The following ZFPM2 variants were observed in gnomAD, a reference collection of about 807,000 sequenced individuals.
ZFPM2 encodes the protein zinc finger protein ZFPM2.
A neutral mutation model predicts 98.6 loss-of-function variants in ZFPM2; 20 were observed. The ratio of observed to expected loss-of-function variants is 0.20; its 90% CI spans 0.14 to 0.29. The LOEUF is 0.29. Ranked by LOEUF, ZFPM2 falls within the 10% of genes least tolerant of loss-of-function variation. ZFPM2 has a pLI of 1.00. For synonymous variants in ZFPM2, 518 were observed against 502.7 expected (o/e 1.03, Z -0.41); for missense variants, 1,310 against 1,388.6 (o/e 0.94, Z 0.90).
intron 2 of ZFPM2, among the ~76,000 whole-genome samples, chr8:105,427,723 T>C (rs1166155990): frequency 2.6e-5 from 4 of 152,228 alleles, no homozygotes; most frequent in African/African-American, 4.8e-5. Context: ...AGCCACTTTT[T>C]GTTGTCCTTA....
intron 3 of ZFPM2, among the ~76,000 whole-genome samples, chr8:105,473,695 T>C (rs149434301): frequency 1.8e-4 from 27 of 152,318 alleles, no homozygotes; most frequent in Non-Finnish European, 2.9e-4. Flanking sequence ...ATTAAAGAAA[T>C]GCATTTCTCT....
At chr8:105,355,790 TAC>T (rs1307541319) in intron 1 of ZFPM2, among the ~76,000 whole-genome samples, 3 of 152,332 alleles carry the variant, frequency 2.0e-5, no homozygotes, top group African/African-American at 7.2e-5. Context: ...TAAAAAAAAC[TAC>T]AGTGTGTGTT....
At chr8:105,639,738 A>G (rs1816915765) in intron 5 of ZFPM2, among the ~76,000 whole-genome samples, 1 of 151,998 alleles carries the variant, frequency 6.6e-6, no homozygotes, top group Non-Finnish European at 1.5e-5. Flanking sequence ...ACTGAGAGAA[A>G]ATGAAGCCAG....
intron 5 of ZFPM2, among the ~76,000 whole-genome samples, chr8:105,777,364 T>G (rs1245781441): frequency 6.6e-6 from 1 of 152,218 alleles, no homozygotes; most frequent in African/African-American, 2.4e-5. Context: ...AATAGTGTAT[T>G]TGGCAAATAG....
At chr8:105,410,850 T>A (rs762281761) in intron 1 of ZFPM2, among the ~76,000 whole-genome samples, 1 of 151,938 alleles carries the variant, frequency 6.6e-6, no homozygotes. Flanking sequence ...TAAGTGCTTT[T>A]AAAAAAATCT....
At chr8:105,420,037 T>C (rs1563650432) in intron 2 of ZFPM2, among the ~76,000 whole-genome samples, 1 of 152,166 alleles carries the variant, frequency 6.6e-6, no homozygotes, top group African/African-American at 2.4e-5. Flanking sequence ...AAGTCTTTTA[T>C]CTCCTCCTGC....
In ZFPM2 at chr8:105,676,228, T is replaced by A. The variant is rs527864266; in HGVS notation, c.532+41871T>A. ...CATAACATTGGAATCATAGTTCATC[T>A]ACTCACCAACACATTTATATTTTAG... On this transcript the variant is annotated intron_variant, in intron 5 of 7. Coordinates refer to ENST00000407775, the MANE Select transcript of ZFPM2 (RefSeq NM_012082.4). 3.2e-4 allele frequency among the ~76,000 whole-genome samples: 49 copies of A among 152,290 alleles called. 1 individual carries two copies. Among genetic ancestry groups the A allele is most frequent in the Non-Finnish European group, 4.4e-5 (3 of 68,008 alleles).
chr8:105,446,531 G>A (rs1280180391), intron 3 of ZFPM2, among the ~76,000 whole-genome samples: 4 of 152,126 alleles, frequency 2.6e-5, no homozygotes, highest in African/African-American at 9.7e-5. Context: ...GCTAATAAAA[G>A]AGGGGGAGAG....
chr8:105,518,560 C>G (rs995526983), intron 3 of ZFPM2, among the ~76,000 whole-genome samples: 1 of 152,122 alleles, frequency 6.6e-6, no homozygotes, highest in Non-Finnish European at 1.5e-5. Flanking sequence ...TGAAATCATG[C>G]AGATTCCTTT....
rs5893754 is a variant in ZFPM2 at position 105,673,187 on chromosome 8, C to CTTTTTTTT, written c.532+38843_532+38850dup. 5.1e-4 allele frequency among the ~76,000 whole-genome samples: 45 copies of CTTTTTTTT among 87,522 alleles called. 3 individuals carry two copies. Among genetic ancestry groups the CTTTTTTTT allele is most frequent in the African/African-American group, 2.1e-3 (42 of 20,464 alleles). The allele number at this position is 87,522 out of a possible 152,430, so 57.4% of individuals were successfully genotyped here. On this transcript the variant is annotated intron_variant, in intron 5 of 7. Transcript: ENST00000407775. ...TACTTCTATTTTTTCAAATAGCATG[C>CTTTTTTTT]TTTTTTTTTTTTTTTTTTTTACCGA...
intron 5 of ZFPM2, among the ~76,000 whole-genome samples, chr8:105,753,419 C>G (rs1439717159): frequency 6.6e-6 from 1 of 152,112 alleles, no homozygotes; most frequent in Non-Finnish European, 1.5e-5. Context: ...ATAATTGAAG[C>G]TGTTCTTGGG....
At chr8:105,612,765 A>G (rs1037231061) in intron 4 of ZFPM2, among the ~76,000 whole-genome samples, 4 of 152,198 alleles carry the variant, frequency 2.6e-5, no homozygotes, top group African/African-American at 7.2e-5. Context: ...GGGTCACTAC[A>G]TATTTTAATT....
At chr8:105,760,282 A>G (rs532455895) in intron 5 of ZFPM2, among the ~76,000 whole-genome samples, 71 of 152,132 alleles carry the variant, frequency 4.7e-4, no homozygotes, top group South Asian at 3.5e-3. Flanking sequence ...AGGGGGTTGT[A>G]TCTTTTAGAG....
At chr8:105,773,366 A>G (rs1686715687) in intron 5 of ZFPM2, among the ~76,000 whole-genome samples, 1 of 152,180 alleles carries the variant, frequency 6.6e-6, no homozygotes, top group Non-Finnish European at 1.5e-5. Context: ...AGATAAGGAA[A>G]GGGTTGAATT....
intron 4 of ZFPM2, among the ~76,000 whole-genome samples, chr8:105,586,671 T>C (rs1203228494): frequency 6.6e-6 from 1 of 151,904 alleles, no homozygotes; most frequent in African/African-American, 2.4e-5. Context: ...TCTGCCCATC[T>C]TGGCCTTCCA....
At chr8:105,544,994 A>G (rs1814661371) in intron 3 of ZFPM2, among the ~76,000 whole-genome samples, 1 of 152,172 alleles carries the variant, frequency 6.6e-6, no homozygotes, top group Admixed American at 6.5e-5. Context: ...AATAATTTAC[A>G]TTAAAAATGT....
At chr8:105,799,990 T>C (rs1283222262) in intron 7 of ZFPM2, among the ~76,000 whole-genome samples, 1 of 152,162 alleles carries the variant, frequency 6.6e-6, no homozygotes, top group Non-Finnish European at 1.5e-5. Flanking sequence ...GCTATCTTCA[T>C]ATAGATAATA....
intron 5 of ZFPM2, among the ~76,000 whole-genome samples, chr8:105,681,117 A>G (rs1368504672): frequency 6.6e-6 from 1 of 152,232 alleles, no homozygotes; most frequent in Non-Finnish European, 1.5e-5. Context: ...AGCATTCTTT[A>G]TGATAATCAA....
chr8:105,437,979 G>T (rs1006663148), intron 2 of ZFPM2, among the ~76,000 whole-genome samples: 1 of 152,118 alleles, frequency 6.6e-6, no homozygotes. Context: ...GGAAGTGGAG[G>T]TTGCAGTGAG....
Sources: gnomAD v4.1 joint callset for allele counts (sites outside exome capture counted in the v4.1 genomes callset) on GRCh38, gnomAD v4.1.1 for gene constraint, MANE v1.5 for transcripts, NCBI Gene and HGNC (gene_info 2026-07-23, HGNC 2026-07-21) for gene names.